The following PUM2 variants were observed in gnomAD, a reference collection of about 807,000 sequenced individuals.
PUM2 encodes pumilio RNA binding family member 2.
PUM2 carries 57 observed loss-of-function variants against 124.5 expected under a neutral mutation model. The observed-to-expected ratio is 0.46, with a 90% confidence interval of 0.37 to 0.57. The LOEUF (loss-of-function observed/expected upper bound fraction) is 0.57. Ranked by LOEUF, PUM2 falls within the 20% of genes least tolerant of loss-of-function variation. The probability of loss-of-function intolerance (pLI) is 0.00; values close to 1 mark genes in which losing one functional copy is unlikely to be tolerated. For synonymous variants in PUM2, 460 were observed against 446.1 expected (o/e 1.03, Z -0.39); for missense variants, 1,065 against 1,290.6 (o/e 0.83, Z 2.68).
intron 16 of PUM2, 137 bp downstream of exon 16, chr2:20,258,106 A>G: frequency 1.3e-6 from 1 of 757,734 alleles, no homozygotes; most frequent in Non-Finnish European, 2.0e-6. Flanking sequence ...GCTATTTAGG[A>G]CACAGTAACA....
Position 20,278,782 on chromosome 2 carries a change from C to A in PUM2, c.1758G>T (p.Glu586Asp), listed in dbSNP as rs750308253. ...ACAAGTCAGAGCTAGTAGATAGAGA[C>A]TCTCTCCTTGTGGCACTACTACTTG... ...SSASSSATRR[E>D]SLSTSSDLYK... The change falls in exon 13 of 21, where the codon GAG becomes GAT. Residue 586 changes from glutamate (E) to aspartate (D), a missense_variant. By Grantham distance (45) the Glu-to-Asp change is conservative. Around this residue, in one of 3 missense-constraint regions of PUM2, gnomAD observed 968 missense variants for 1,159.8 expected, o/e 0.83. Coordinates refer to ENST00000361078, the MANE Select transcript of PUM2 (RefSeq NM_015317.5). 5 of 1,613,366 alleles carry A rather than the reference C, an allele frequency of 3.1e-6. No individual in the cohort carries two copies. Among genetic ancestry groups the A allele is most frequent in the Non-Finnish European group, 8.5e-7 (1 of 1,179,594 alleles).
chr2:20,339,262 T>C (rs1437720327), intron 1 of PUM2, among the ~76,000 whole-genome samples: 2 of 151,974 alleles, frequency 1.3e-5, no homozygotes, highest in Non-Finnish European at 2.9e-5. Context: ...ATATCTGTAA[T>C]CTCAGCTACT....
At chr2:20,252,015 C>A (rs1451120710) in intron 20 of PUM2, among the ~76,000 whole-genome samples, 3 of 151,890 alleles carry the variant, frequency 2.0e-5, no homozygotes, top group Non-Finnish European at 2.9e-5. Context: ...TTTATTCCAC[C>A]AAAAAAATTA....
chr2:20,324,435 G>C (rs1340290623), intron 2 of PUM2, among the ~76,000 whole-genome samples: 1 of 152,158 alleles, frequency 6.6e-6, no homozygotes, highest in East Asian at 1.9e-4. Context: ...TTAATTCAGT[G>C]ATTTAAAGTT....
chr2:20,292,025 T>C (rs1466818588), intron 9 of PUM2, among the ~76,000 whole-genome samples: 1 of 151,066 alleles, frequency 6.6e-6, no homozygotes, highest in Non-Finnish European at 1.5e-5. Context: ...CCCTGGCATG[T>C]TCATTGCCTG....
rs1282071501 is a variant in PUM2, at chr2:20,336,746, ATCTG to A, written c.-18-9372_-18-9369del. Among the ~76,000 whole-genome samples the A allele has an allele frequency of 6.8e-4, 59 of 87,310 alleles. 3 individuals are homozygous for A. The highest frequency in any genetic ancestry group is 2.0e-3 in the South Asian group (5 of 2,500). 57.3% of individuals were successfully genotyped at this position (87,310 alleles called of 152,430 possible). A position where few individuals can be genotyped will look rare whatever the true frequency, so the allele number is the denominator to read the frequency against. ...GGGTCTCACCATGTTGCCCAGGCTG[ATCTG>A]TGTGTGTGTGTGTGTGTGTGTGTGT... On this transcript the variant is annotated intron_variant, in intron 1 of 20. Transcript: ENST00000361078.
chr2:20,290,836 A>G (rs762244631), intron 9 of PUM2, 46 bp from the exon 10 acceptor site: 3 of 1,410,282 alleles, frequency 2.1e-6, no homozygotes, highest in African/African-American at 1.5e-5. Flanking sequence ...AAAATAATAG[A>G]TAAGTAAATT....
intron 1 of PUM2, among the ~76,000 whole-genome samples, chr2:20,347,318 T>C (rs1688431969): frequency 6.6e-6 from 1 of 152,216 alleles, no homozygotes; most frequent in African/African-American, 2.4e-5. Context: ...TTGTGTTTAA[T>C]TAGGCGTGTC....
At chr2:20,297,815 C>T in intron 7 of PUM2, 137 bp from the exon 8 acceptor site, 1 of 815,240 alleles carries the variant, frequency 1.2e-6, no homozygotes, top group East Asian at 2.8e-5. Flanking sequence ...CAAATTTTTA[C>T]TAAGTGACCT....
chr2:20,324,266 C>T (rs1265646580), intron 2 of PUM2, among the ~76,000 whole-genome samples: 1 of 152,126 alleles, frequency 6.6e-6, no homozygotes, highest in African/African-American at 2.4e-5. Flanking sequence ...AAGTCTCCTT[C>T]CTCCCCTACC....
chr2:20,289,694 T>C (rs1265953329), intron 10 of PUM2, among the ~76,000 whole-genome samples: 1 of 152,202 alleles, frequency 6.6e-6, no homozygotes. Flanking sequence ...GTAATTGAAA[T>C]AGAAATCCTT....
At chr2:20,251,840 G>C in intron 20 of PUM2, 124 bp from the exon 21 acceptor site, 1 of 1,219,540 alleles carries the variant, frequency 8.2e-7, no homozygotes, top group East Asian at 2.5e-5. Context: ...TAAATCCAAA[G>C]AAAGCTACTT....
chr2:20,297,434 T>A (rs1675885490), intron 8 of PUM2, 119 bp downstream of exon 8: 5 of 1,001,862 alleles, frequency 5.0e-6, no homozygotes, highest in Non-Finnish European at 6.9e-6. Flanking sequence ...TCATTCTGGA[T>A]AATGTTTCAG....
chr2:20,324,875 A>G (rs1683297227), intron 2 of PUM2, among the ~76,000 whole-genome samples: 1 of 152,162 alleles, frequency 6.6e-6, no homozygotes, highest in Non-Finnish European at 1.5e-5. Flanking sequence ...GACAACAGTA[A>G]GCAAAAACTA....
chr2:20,278,431 A>G lies in PUM2; in HGVS notation c.1957+152T>C. On this transcript the variant is annotated intron_variant, in intron 13 of 20. Coordinates refer to ENST00000361078, the MANE Select transcript of PUM2 (RefSeq NM_015317.5). ...GACCCTCACTTTGAATTTTCAGGAA[A>G]GTAGAACTTTTTCAAAAGACTAATA... 7.6e-6 allele frequency: 5 copies of G among 656,542 alleles called. No homozygotes were observed. In the East Asian group the frequency reaches 1.4e-4, roughly 18 times the overall value. 40.7% of individuals were successfully genotyped at this position (656,542 alleles called of 1,614,324 possible).
rs976576283 is a variant in PUM2 at position 20,251,716 on chromosome 2, T to G, written c.3064A>C (p.Ile1022Leu). The change falls in exon 21 of 21, where the codon ATT becomes CTT. Residue 1022 changes from isoleucine (I) to leucine (L), a missense_variant and splice_region_variant. This residue lies in a region of PUM2 where 968 missense variants were observed against 1,159.8 expected (regional missense o/e 0.83). Transcript: ENST00000361078. ...PAQRKIIMHK[I>L]RPHITTLRKY... ...CGCAAAGTAGTAATGTGAGGTCGAATCTGAAAAACAAATAATCTGCTTAGA... is the reference window on the plus strand; with the variant it reads ...CGCAAAGTAGTAATGTGAGGTCGAAGCTGAAAAACAAATAATCTGCTTAGA... 1.2e-6 allele frequency: 2 copies of G among 1,612,136 alleles called. No homozygotes were observed. The highest frequency in any genetic ancestry group is 1.3e-5 in the African/African-American group (1 of 75,012).
In PUM2 at chr2:20,290,652, C is replaced by A; in HGVS notation, c.1291G>T (p.Gly431Cys). 6.2e-7 allele frequency: 1 copy of A among 1,607,064 alleles called. No individual in the cohort carries two copies. The highest frequency in any genetic ancestry group is 8.5e-7 in the Non-Finnish European group (1 of 1,177,810). ...FGQGLATGMP[G>C]YQVLAPTAYY... ...TTTCCACAAATGACCAATTGTATAC[C>A]TGGCATGCCAGTAGCAAGACCCTGA... Residue 431 changes from glycine to cysteine, a missense_variant and splice_region_variant, in exon 10 of 21, where the codon GGC becomes TGC. Gly to Cys is a radical substitution (Grantham distance 159). Transcript: ENST00000361078.
At chr2:20,310,351 T>C (rs773701664) in intron 5 of PUM2, among the ~76,000 whole-genome samples, 1 of 152,030 alleles carries the variant, frequency 6.6e-6, no homozygotes, top group Non-Finnish European at 1.5e-5. Flanking sequence ...AACTCGTATA[T>C]AGCAAAAATA....
chr2:20,324,130 A>G (rs1683093968), intron 2 of PUM2, among the ~76,000 whole-genome samples: 2 of 152,180 alleles, frequency 1.3e-5, no homozygotes, highest in Admixed American at 1.3e-4. Flanking sequence ...CTAAGAGCTT[A>G]TATTAAAGCA....
Sources: allele counts gnomAD v4.1 joint callset (sites outside exome capture counted in the v4.1 genomes callset), GRCh38; gene constraint gnomAD v4.1.1; regional missense constraint gnomAD v4.1.1; transcripts MANE v1.5; gene names NCBI Gene and HGNC (gene_info 2026-07-23, HGNC 2026-07-21).